The following CCR5AS variants were observed in gnomAD, a reference collection of about 807,000 sequenced individuals.
The protein encoded by CCR5AS is CCR5 antisense RNA.
chr3:46,398,212 C>T (rs992442657), intron 1 of CCR5AS, among the ~76,000 whole-genome samples: 22 of 152,030 alleles, frequency 1.4e-4, no homozygotes, highest in African/African-American at 4.4e-4. Context: ...AAAACCCAGG[C>T]GCGGAAAATT....
intron 2 of CCR5AS, among the ~76,000 whole-genome samples, chr3:46,391,236 C>T (rs1701910931): frequency 1.3e-5 from 2 of 152,160 alleles, no homozygotes; most frequent in Admixed American, 6.5e-5. Context: ...AAATGCCTGG[C>T]CCCTGCAGTT....
intron 2 of CCR5AS, chr3:46,375,733 C>A (rs182052831): frequency 1.2e-5 from 2 of 166,744 alleles, no homozygotes; most frequent in African/African-American, 4.8e-5. Flanking sequence ...CAGAAAAAAT[C>A]GTCTCTCCCT....
chr3:46,373,215 A>G, intron 2 of CCR5AS: 1 of 1,614,156 alleles, frequency 6.2e-7, no homozygotes, highest in South Asian at 1.1e-5. Context: ...TCAACTCTTG[A>G]CAGGGCTCTA....
chr3:46,389,977 A>G (rs2106769603), intron 2 of CCR5AS, among the ~76,000 whole-genome samples: 1 of 152,290 alleles, frequency 6.6e-6, no homozygotes, highest in Non-Finnish European at 1.5e-5. Flanking sequence ...TTGAGTAAAG[A>G]TGTTGAAGAA....
At chr3:46,396,084 C>A (rs1315789937) in intron 1 of CCR5AS, among the ~76,000 whole-genome samples, 2 of 152,204 alleles carry the variant, frequency 1.3e-5, no homozygotes, top group Non-Finnish European at 2.9e-5. Context: ...AGACCAGGAC[C>A]AAACCCTTTC....
At chr3:46,403,025 G>T (rs1390813998) in intron 1 of CCR5AS, among the ~76,000 whole-genome samples, 2 of 152,144 alleles carry the variant, frequency 1.3e-5, no homozygotes. Flanking sequence ...GTTTGCTAAG[G>T]GTAATAGCCT....
intron 1 of CCR5AS, among the ~76,000 whole-genome samples, chr3:46,393,654 A>G (rs1427862562): frequency 6.6e-6 from 1 of 152,216 alleles, no homozygotes; most frequent in Non-Finnish European, 1.5e-5. Flanking sequence ...AACAGCGCAC[A>G]AATTCTTGTA....
chr3:46,373,177 C>T, intron 2 of CCR5AS: 2 of 1,614,182 alleles, frequency 1.2e-6, no homozygotes, highest in East Asian at 2.2e-5. Context: ...TATGCTGCCG[C>T]CCAGTGGGAC....
chr3:46,377,539 G>A (rs1421473440), intron 2 of CCR5AS, among the ~76,000 whole-genome samples: 1 of 152,204 alleles, frequency 6.6e-6, no homozygotes, highest in East Asian at 1.9e-4. Context: ...CATTTCAACT[G>A]TTATGATTAA....
Position 46,393,908 on chromosome 3 carries a change from C to T in CCR5AS, n.164-856G>A, listed in dbSNP as rs139403171. Among the ~76,000 whole-genome samples, 223 of 152,342 alleles carry T rather than the reference C, an allele frequency of 1.5e-3. 4 individuals are homozygous for T. The highest frequency in any genetic ancestry group is 6.8e-3 in the Middle Eastern group (2 of 294). On this transcript the variant is annotated intron_variant and non_coding_transcript_variant, in intron 1 of 3. Transcript: ENST00000451485. ...ATTTTATAACCAAACAACATTTTCCCTCCTGAACTGCACTTTTTCTAGAAC... is the reference window on the plus strand; with the variant it reads ...ATTTTATAACCAAACAACATTTTCCTTCCTGAACTGCACTTTTTCTAGAAC...
At chr3:46,369,260 A>G (rs1465490080) in intron 3 of CCR5AS, among the ~76,000 whole-genome samples, 2 of 152,212 alleles carry the variant, frequency 1.3e-5, no homozygotes, top group Non-Finnish European at 2.9e-5. Flanking sequence ...ATTTGGTCAG[A>G]GCCAAGTAGC....
At chr3:46,393,265 G>A (rs570107217) in intron 1 of CCR5AS, among the ~76,000 whole-genome samples, 1 of 152,030 alleles carries the variant, frequency 6.6e-6, no homozygotes, top group Non-Finnish European at 1.5e-5. Context: ...AAATTACAAT[G>A]GTGGAATGTC....
chr3:46,400,242 C>T (rs547419693), intron 1 of CCR5AS, among the ~76,000 whole-genome samples: 171 of 152,294 alleles, frequency 1.1e-3, no homozygotes, highest in Non-Finnish European at 1.7e-3. Flanking sequence ...CTGCCCACCT[C>T]GGCCTCCCAA....
intron 1 of CCR5AS, among the ~76,000 whole-genome samples, chr3:46,403,089 G>T (rs376982704): frequency 1.3e-5 from 2 of 152,352 alleles, no homozygotes; most frequent in East Asian, 3.9e-4. Flanking sequence ...TTTCATGGCT[G>T]CATAGTATTC....
Position 46,406,315 on chromosome 3 carries a change from G to A in CCR5AS, n.163+582C>T, listed in dbSNP as rs962649634. Among the ~76,000 whole-genome samples the A allele has an allele frequency of 5.3e-5, 8 of 152,008 alleles. No individual in the cohort carries two copies. In the East Asian group the frequency reaches 1.2e-3, roughly 22 times the overall value. On this transcript the variant is annotated intron_variant and non_coding_transcript_variant, in intron 1 of 3. Coordinates refer to ENST00000451485, the Ensembl canonical transcript of CCR5AS. Reference sequence around the variant, plus strand: ...CAAATAGGTCTGATCCCCAAATTAGGTTAGTCACAGCTGCTGAGTCGTTGA... The same window carrying A: ...CAAATAGGTCTGATCCCCAAATTAGATTAGTCACAGCTGCTGAGTCGTTGA...
At chr3:46,369,367 G>A (rs971502106) in intron 3 of CCR5AS, among the ~76,000 whole-genome samples, 1 of 144,888 alleles carries the variant, frequency 6.9e-6, no homozygotes, top group African/African-American at 2.6e-5. Flanking sequence ...ACATTTTCTC[G>A]ATGATTCGCT....
chr3:46,377,249 G>A (rs41341447), intron 2 of CCR5AS, among the ~76,000 whole-genome samples: 181 of 152,242 alleles, frequency 1.2e-3, no homozygotes, highest in Middle Eastern at 6.8e-3. Context: ...TCCAGAGCCC[G>A]TCCCCATTAC....
chr3:46,370,812 T>C (rs991281126), intron 3 of CCR5AS: 1 of 152,220 alleles, frequency 6.6e-6, no homozygotes, highest in Non-Finnish European at 1.5e-5. Context: ...AAGCTCAACT[T>C]AAAAAGAAGA....
intron 2 of CCR5AS, among the ~76,000 whole-genome samples, chr3:46,385,501 T>G (rs545223819): frequency 1.8e-4 from 28 of 152,254 alleles, no homozygotes; most frequent in African/African-American, 6.7e-4. Flanking sequence ...ATATGCTCAA[T>G]AACATACCAA....
Sources: gnomAD v4.1 joint callset for allele counts (sites outside exome capture counted in the v4.1 genomes callset) on GRCh38, gnomAD v4.1.1 for gene constraint, MANE v1.5 for transcripts, NCBI Gene and HGNC (gene_info 2026-07-23, HGNC 2026-07-21) for gene names.